The following LEPROTL1 variants were observed in gnomAD, a reference collection of about 807,000 sequenced individuals.
The protein encoded by LEPROTL1 is leptin receptor overlapping transcript like 1, also known as leptin receptor overlapping transcript-like 1.
In LEPROTL1, 6 loss-of-function variants were observed where a neutral mutation model predicts 15.4. The observed-to-expected ratio is 0.39, with a 90% CI of 0.21 to 0.77. LEPROTL1 has a LOEUF of 0.77. Among genes scored for constraint, LEPROTL1 ranks in the 30% least tolerant of loss-of-function variants. The pLI, the probability that LEPROTL1 is intolerant of heterozygous loss-of-function variation, is 0.41. For synonymous variants in LEPROTL1, 56 were observed against 52.6 expected (o/e 1.06, Z -0.28); for missense variants, 128 against 158.1 (o/e 0.81, Z 1.02).
chr8:30,112,414 T>TTTTTTTTTC (rs1351771223), downstream of LEPROTL1, among the ~76,000 whole-genome samples: 3 of 129,748 alleles, frequency 2.3e-5, 1 homozygote, highest in Non-Finnish European at 5.0e-5. Context: ...TTTTTTTTTT[T>TTTTTTTTTC]TTTTTTTTTT....
intron 3 of LEPROTL1, among the ~76,000 whole-genome samples, chr8:30,129,757 A>ACACAC (rs1491288246): frequency 6.9e-6 from 1 of 145,564 alleles, no homozygotes; most frequent in East Asian, 2.0e-4. Flanking sequence ...ACACACACAC[A>ACACAC]AAGAACTACC....
chr8:30,113,107 CAAA>C (rs578198019), downstream of LEPROTL1, among the ~76,000 whole-genome samples: 8 of 95,436 alleles, frequency 8.4e-5, no homozygotes, highest in Non-Finnish European at 1.2e-4. Context: ...CCCGTCTCTC[CAAA>C]AAAAAAAAAA....
rs376138326 is a variant in LEPROTL1 at position 30,122,624 on chromosome 8, C to G, written c.280-9751C>G. ...TGGCCAACATGGTGAAACTCCGTCT[C>G]TACTTAAAATACAAAAAAAATTTAG... is the stretch of plus-strand genomic sequence containing the variant. On this transcript the variant is annotated intron_variant, in intron 3 of 4. Coordinates refer to the LEPROTL1 transcript ENST00000442880. Among the ~76,000 whole-genome samples, 323 of 152,264 alleles carry G rather than the reference C, an allele frequency of 2.1e-3. 3 individuals carry two copies. Among genetic ancestry groups the G allele is most frequent in the African/African-American group, 7.6e-3 (315 of 41,554 alleles).
At chr8:30,132,854 G>C in intron 4 of LEPROTL1, 2 of 1,551,104 alleles carry the variant, frequency 1.3e-6, no homozygotes, top group Non-Finnish European at 1.7e-6. Context: ...TCCAGAGAGA[G>C]GGACGTGACC....
intron 4 of LEPROTL1, among the ~76,000 whole-genome samples, chr8:30,136,585 G>A (rs1435808821): frequency 1.3e-5 from 2 of 152,066 alleles, no homozygotes; most frequent in Admixed American, 1.3e-4. Flanking sequence ...TGCTCTCCCA[G>A]CCCCATCAGG....
chr8:30,137,964 TG>T, downstream of LEPROTL1: 1 of 196,790 alleles, frequency 5.1e-6, no homozygotes, highest in Admixed American at 5.3e-5. Flanking sequence ...CTGCCCTTGA[TG>T]GATCAGCTGG....
chr8:30,124,790 T>G (rs1432743586), intron 3 of LEPROTL1, among the ~76,000 whole-genome samples: 1 of 152,202 alleles, frequency 6.6e-6, no homozygotes, highest in African/African-American at 2.4e-5. Context: ...ACCTTTGCTC[T>G]TCTCTTCAAT....
At chr8:30,117,865 T>C (rs1802766363) in intron 3 of LEPROTL1, 2 of 599,100 alleles carry the variant, frequency 3.3e-6, no homozygotes, top group Non-Finnish European at 5.9e-6. Context: ...AGCAGAAGAT[T>C]GATTAAATCA....
chr8:30,135,305 A>G (rs2117539025), intron 4 of LEPROTL1, among the ~76,000 whole-genome samples: 1 of 152,322 alleles, frequency 6.6e-6, no homozygotes, highest in South Asian at 2.1e-4. Flanking sequence ...AATGATGAGG[A>G]ACATTGTGGG....
At chr8:30,095,970 A>C (rs1409702389) in intron 1 of LEPROTL1, 9 of 679,510 alleles carry the variant, frequency 1.3e-5, no homozygotes, top group Admixed American at 2.1e-5. Context: ...ACCGAAAGGC[A>C]CAAGTGCGGT....
At chr8:30,101,828 T>G in intron 1 of LEPROTL1, 70 bp from the exon 2 acceptor site, 1 of 941,280 alleles carries the variant, frequency 1.1e-6, no homozygotes, top group South Asian at 1.5e-5. Flanking sequence ...CAGATAATGT[T>G]CAGACTGCTG....
intron 3 of LEPROTL1, among the ~76,000 whole-genome samples, chr8:30,122,028 G>A (rs1049330907): frequency 9.9e-5 from 15 of 151,864 alleles, no homozygotes; most frequent in Admixed American, 9.8e-4. Flanking sequence ...TTAGCTGTAC[G>A]TGGTGGCACG....
At chr8:30,101,670 CAAAAAAAAAAA>C (rs11316779) in intron 1 of LEPROTL1, among the ~76,000 whole-genome samples, 1 of 52,696 alleles carries the variant, frequency 1.9e-5, no homozygotes, top group Admixed American at 2.9e-4. Flanking sequence ...CTCCATCTCA[CAAAAAAAAAAA>C]AAAAAAAAAA....
rs58568262 is a variant in LEPROTL1, at chr8:30,133,322, T to C, written c.394+833T>C. Among the ~76,000 whole-genome samples the C allele has an allele frequency of 3.8e-3, 572 of 152,352 alleles. 2 individuals carry two copies. Among genetic ancestry groups the C allele is most frequent in the African/African-American group, 0.013 (548 of 41,586 alleles). ...GGAATGAAATTAGCGTAAAAAATCT[T>C]TCACTTTTTGCGTTGTTTGAATTTT... On this transcript the variant is annotated intron_variant, in intron 4 of 4. Coordinates refer to the LEPROTL1 transcript ENST00000442880.
rs572617829 is a variant in LEPROTL1 at position 30,130,600 on chromosome 8, T to C, written c.280-1775T>C. Reference sequence around the variant, plus strand: ...AGAATCAAACCCACCCTCAAAGTCATATTAAAATAGTGTTTACTTCCTGTT... The same window carrying C: ...AGAATCAAACCCACCCTCAAAGTCACATTAAAATAGTGTTTACTTCCTGTT... On this transcript the variant is annotated intron_variant, in intron 3 of 4. Coordinates refer to the LEPROTL1 transcript ENST00000442880. 4.5e-4 allele frequency among the ~76,000 whole-genome samples: 68 copies of C among 152,280 alleles called. 1 individual carries two copies. Among genetic ancestry groups the C allele is most frequent in the Admixed American group, 2.4e-3 (37 of 15,296 alleles).
chr8:30,118,047 CAG>C (rs1802772039), intron 3 of LEPROTL1, among the ~76,000 whole-genome samples: 1 of 104,980 alleles, frequency 9.5e-6, no homozygotes, highest in African/African-American at 3.8e-5. Context: ...TTTTTTGAGA[CAG>C]AGTCTCGCTC....
chr8:30,117,572 CCTGT>C, intron 3 of LEPROTL1: 1 of 1,391,728 alleles, frequency 7.2e-7, no homozygotes, highest in Non-Finnish European at 1.0e-6. Context: ...ACTTGTTTAG[CCTGT>C]CTGTGAGGTT....
rs1802760007 is a variant in LEPROTL1, at chr8:30,117,547, G to A, written c.279+13061G>A. ...TCTTTGAGTTGCACATCAAATCTGG[G>A]GCTGATCACTCCACACTTGTTTAGC... On this transcript the variant is annotated intron_variant, in intron 3 of 4. Coordinates refer to the LEPROTL1 transcript ENST00000442880. 3.1e-6 allele frequency: 4 copies of A among 1,293,460 alleles called. No homozygotes were observed. The Admixed American group carries it at 5.0e-5, about 16-fold the overall frequency. 80.1% of individuals were successfully genotyped at this position (1,293,460 alleles called of 1,614,324 possible). A position where few individuals can be genotyped will look rare whatever the true frequency, so the allele number is the denominator to read the frequency against.
At chr8:30,096,481 A>G (rs1337388971) in intron 1 of LEPROTL1, 1 of 748,278 alleles carries the variant, frequency 1.3e-6, no homozygotes, top group Non-Finnish European at 1.6e-6. Context: ...AACTTAATCG[A>G]GTTTTTTTTC....
Sources: allele counts gnomAD v4.1 joint callset (sites outside exome capture counted in the v4.1 genomes callset), GRCh38; gene constraint gnomAD v4.1.1; transcripts MANE v1.5; gene names NCBI Gene and HGNC (gene_info 2026-07-23, HGNC 2026-07-21).